ARHGEF28: variants seen among roughly 807,000 people sequenced by gnomAD.
The protein encoded by ARHGEF28 is 190 kDa guanine nucleotide exchange factor.
ARHGEF28 carries 152 observed loss-of-function variants against 206.6 expected under a neutral mutation model. The ratio of observed to expected loss-of-function variants is 0.74; its 90% CI spans 0.64 to 0.84. The LOEUF (loss-of-function observed/expected upper bound fraction) is 0.84. Among genes scored for constraint, ARHGEF28 ranks in the 40% least tolerant of loss-of-function variants. The pLI, the probability that ARHGEF28 is intolerant of heterozygous loss-of-function variation, is 0.00. For synonymous variants in ARHGEF28, 763 were observed against 776.4 expected, an observed-to-expected ratio of 0.98 and a Z score of 0.29; for missense variants, 2,028 against 2,073.2, an observed-to-expected ratio of 0.98 and a Z score of 0.42.
In ARHGEF28 at chr5:73,752,971, G is replaced by A. The variant is rs1456190712; in HGVS notation, c.244G>A (p.Val82Met). The stretch of plus-strand genomic sequence containing the variant: ...CCTCTGCTCGGAAGGTTACTCTCCG[G>A]TGACCATGGGCTCTGGCTCAGTGAC... ...VCLCSEGYSPVTMGSGSVTYV... is the reference protein window; with the variant it reads ...VCLCSEGYSPMTMGSGSVTYV... Residue 82 changes from valine to methionine, a missense_variant, in exon 4 of 36, where the codon GTG becomes ATG. Val to Met is a conservative substitution (Grantham distance 21). This residue lies in a region of ARHGEF28 where 1,002 missense variants were observed against 1,015.3 expected (regional missense o/e 0.99). Coordinates refer to ENST00000513042, the MANE Select transcript of ARHGEF28 (RefSeq NM_001177693.2). The A allele has an allele frequency of 1.9e-6, 3 of 1,613,852 alleles. No individual in the cohort carries two copies. In the African/African-American group the frequency reaches 4.0e-5, roughly 22 times the overall value.
chr5:73,849,120 ACT>A (rs755541415), intron 13 of ARHGEF28, 33 bp downstream of exon 13: 14 of 1,412,982 alleles, frequency 9.9e-6, no homozygotes, highest in Non-Finnish European at 1.3e-5. Flanking sequence ...CTTTGAAAAC[ACT>A]CTATTCCAGA....
intron 2 of ARHGEF28, among the ~76,000 whole-genome samples, chr5:73,735,968 C>T (rs980408737): frequency 6.6e-6 from 1 of 152,152 alleles, no homozygotes; most frequent in Non-Finnish European, 1.5e-5. Context: ...GACTCTTGTG[C>T]TCACTTGTGT....
intron 2 of ARHGEF28, among the ~76,000 whole-genome samples, chr5:73,726,143 A>G (rs950003210): frequency 6.6e-6 from 1 of 152,162 alleles, no homozygotes; most frequent in Non-Finnish European, 1.5e-5. Flanking sequence ...CAGGGGAGAA[A>G]GTGTGTGTGC....
intron 4 of ARHGEF28, among the ~76,000 whole-genome samples, chr5:73,769,250 A>G (rs1480819094): frequency 6.6e-6 from 1 of 152,222 alleles, no homozygotes; most frequent in East Asian, 1.9e-4. Context: ...ACAGAAAAAC[A>G]GAGAGATACA....
At chr5:73,763,978 G>A (rs779111236) in intron 4 of ARHGEF28, among the ~76,000 whole-genome samples, 4 of 151,726 alleles carry the variant, frequency 2.6e-5, no homozygotes, top group Non-Finnish European at 4.4e-5. Flanking sequence ...TTTAGTGACT[G>A]TTTATTGTAG....
intron 2 of ARHGEF28, among the ~76,000 whole-genome samples, chr5:73,715,432 G>A (rs1279112718): frequency 1.3e-5 from 2 of 152,106 alleles, no homozygotes; most frequent in East Asian, 3.9e-4. Flanking sequence ...ACCAAGAGAG[G>A]AAATGTCCAC....
At chr5:73,719,353 G>A (rs561760604) in intron 2 of ARHGEF28, among the ~76,000 whole-genome samples, 235 of 151,178 alleles carry the variant, frequency 1.6e-3, no homozygotes, top group African/African-American at 5.5e-3. Context: ...GGAGCTTGCA[G>A]TGAGCCGAGA....
intron 30 of ARHGEF28, chr5:73,899,479 C>G (rs1464589065): frequency 6.6e-6 from 1 of 152,296 alleles, no homozygotes; most frequent in Non-Finnish European, 1.5e-5. Context: ...TTGAGAGGCT[C>G]TTTAGAGGGG....
In ARHGEF28 at chr5:73,795,398, A is replaced by G; in HGVS notation, c.1024+7A>G. The G allele has an allele frequency of 6.2e-7, 1 of 1,612,376 alleles. No individual in the cohort carries two copies. Among genetic ancestry groups the G allele is most frequent in the Non-Finnish European group, 8.5e-7 (1 of 1,178,504 alleles). On this transcript the variant is annotated splice_region_variant and intron_variant, in intron 9 of 35. Transcript: ENST00000513042. ...CAGCACAGCCTAGATTTGGGTATGA[A>G]ATAACGCTTTTACCTATACTCGTAG...
chr5:73,907,263 G>C (rs1188334975), intron 33 of ARHGEF28, among the ~76,000 whole-genome samples: 1 of 152,202 alleles, frequency 6.6e-6, no homozygotes, highest in South Asian at 2.1e-4. Context: ...GGCTAGTGTT[G>C]CCGGATGAAA....
intron 35 of ARHGEF28, among the ~76,000 whole-genome samples, chr5:73,934,409 C>A (rs1449233112): frequency 6.6e-6 from 1 of 152,184 alleles, no homozygotes; most frequent in Non-Finnish European, 1.5e-5. Context: ...CAGATGTTGT[C>A]AGCTTGATCT....
intron 22 of ARHGEF28, among the ~76,000 whole-genome samples, chr5:73,877,565 A>G (rs543039248): frequency 7.1e-6 from 1 of 141,820 alleles, no homozygotes; most frequent in East Asian, 2.0e-4. Context: ...ATTTAGTGCT[A>G]TAAATTTCCC....
At chr5:73,763,647 G>A (rs1286878570) in intron 4 of ARHGEF28, among the ~76,000 whole-genome samples, 1 of 152,224 alleles carries the variant, frequency 6.6e-6, no homozygotes, top group Non-Finnish European at 1.5e-5. Flanking sequence ...GGGAGATCTT[G>A]CAGAAGAGTG....
At chr5:73,868,382 G>A (rs1018864685) in intron 20 of ARHGEF28, among the ~76,000 whole-genome samples, 155 bp downstream of exon 20, 1 of 151,936 alleles carries the variant, frequency 6.6e-6, no homozygotes, top group African/African-American at 2.4e-5. Context: ...CTTTTTAAAC[G>A]AATGAAAATT....
At chr5:73,727,160 T>A (rs746834031) in intron 2 of ARHGEF28, among the ~76,000 whole-genome samples, 1 of 152,200 alleles carries the variant, frequency 6.6e-6, no homozygotes, top group Admixed American at 6.5e-5. Flanking sequence ...ATTGGTATAA[T>A]TGGAGCCGGT....
chr5:73,893,495 G>A (rs1448683781), intron 28 of ARHGEF28: 3 of 420,320 alleles, frequency 7.1e-6, no homozygotes, highest in Non-Finnish European at 1.3e-5. Flanking sequence ...TAAAATGGAT[G>A]TAAAAAATGC....
At chr5:73,806,960 CTA>C (rs1755542482) in intron 9 of ARHGEF28, among the ~76,000 whole-genome samples, 1 of 146,364 alleles carries the variant, frequency 6.8e-6, no homozygotes, top group African/African-American at 2.5e-5. Context: ...AATATTAAAT[CTA>C]TATAAAATAT....
intron 2 of ARHGEF28, among the ~76,000 whole-genome samples, chr5:73,702,305 G>T (rs959795864): frequency 1.3e-5 from 2 of 152,114 alleles, no homozygotes; most frequent in Non-Finnish European, 2.9e-5. Flanking sequence ...CAATCTTTAA[G>T]TGTATAGTTT....
chr5:73,776,226 A>G (rs1326320924), intron 5 of ARHGEF28, among the ~76,000 whole-genome samples: 2 of 152,210 alleles, frequency 1.3e-5, no homozygotes. Flanking sequence ...TGAAATGTTG[A>G]GGTAAAGTAC....
Sources: allele counts gnomAD v4.1 joint callset (sites outside exome capture counted in the v4.1 genomes callset), GRCh38; gene constraint gnomAD v4.1.1; regional missense constraint gnomAD v4.1.1; transcripts MANE v1.5; gene names NCBI Gene and HGNC (gene_info 2026-07-23, HGNC 2026-07-21).